Variants in PI4KA observed in about 807,000 individuals in gnomAD.
PI4KA encodes phosphatidylinositol 4-kinase alpha.
In PI4KA, 122 loss-of-function variants were observed where a neutral mutation model predicts 271.4. The ratio of observed to expected loss-of-function variants is 0.45; its 90% CI spans 0.39 to 0.52. PI4KA has a LOEUF of 0.52. PI4KA is among the 20% of genes least tolerant of loss of function. The probability of loss-of-function intolerance (pLI) is 0.00; values close to 1 mark genes in which losing one functional copy is unlikely to be tolerated. For missense variants in PI4KA, 1,969 were observed against 2,769.1 expected (o/e 0.71, Z 6.48); for synonymous variants, 1,041 against 1,078.8 (o/e 0.96, Z 0.69).
intron 28 of PI4KA, among the ~76,000 whole-genome samples, chr22:20,748,683 C>T (rs1930367918): frequency 6.6e-6 from 1 of 152,222 alleles, no homozygotes; most frequent in Admixed American, 6.5e-5. Context: ...TATATACATG[C>T]AGAATTGTCT....
At chr22:20,734,330 C>T in intron 33 of PI4KA, 65 bp downstream of exon 33, 1 of 1,411,424 alleles carries the variant, frequency 7.1e-7, no homozygotes, top group Non-Finnish European at 9.7e-7. Context: ...TACCCCCACC[C>T]CAGGAACAGT....
At chr22:20,772,678 C>A (rs911657203) in intron 19 of PI4KA, among the ~76,000 whole-genome samples, 2 of 152,214 alleles carry the variant, frequency 1.3e-5, no homozygotes, top group African/African-American at 4.8e-5. Flanking sequence ...ACTCTGGGTG[C>A]CGACACTCCC....
At chr22:20,793,300 A>G in intron 18 of PI4KA, 57 bp from the exon 19 acceptor site, 1 of 981,134 alleles carries the variant, frequency 1.0e-6, no homozygotes, top group Non-Finnish European at 1.6e-6. Flanking sequence ...TATTAAAAAA[A>G]AAAAACACAA....
At chr22:20,751,878 G>A (rs1448451624) in intron 25 of PI4KA, 123 bp from the exon 26 acceptor site, 9 of 792,220 alleles carry the variant, frequency 1.1e-5, no homozygotes, top group Admixed American at 4.4e-5. Flanking sequence ...GGAGGAGGTC[G>A]GGAGGCCCTT....
At chr22:20,766,396 G>C (rs1932527332) in intron 19 of PI4KA, among the ~76,000 whole-genome samples, 1 of 152,190 alleles carries the variant, frequency 6.6e-6, no homozygotes, top group African/African-American at 2.4e-5. Context: ...AAGCACGGTG[G>C]CTCACGCCTG....
At position 20,813,518 on chromosome 22, in the gene PI4KA, TA is replaced by T; in HGVS notation, c.857-13del. The T allele has an allele frequency of 6.2e-7, 1 of 1,613,056 alleles. No individual in the cohort carries two copies. The highest frequency in any genetic ancestry group is 8.5e-7 in the Non-Finnish European group (1 of 1,179,464). ...GGGCAAGCAGGAGGCTGGTGGGAGA[TA>T]AAGCTGGAAACTCAGCCGTGGTGAC... is the stretch of plus-strand genomic sequence containing the variant. On this transcript the variant is annotated splice_polypyrimidine_tract_variant and intron_variant, in intron 7 of 54. Transcript: ENST00000255882.
At chr22:20,836,600 A>G (rs1002004218) in intron 2 of PI4KA, among the ~76,000 whole-genome samples, 15 of 152,186 alleles carry the variant, frequency 9.9e-5, no homozygotes, top group African/African-American at 3.4e-4. Context: ...ATGGCAGCCC[A>G]CTGCTGGGAC....
At chr22:20,851,179 G>A (rs1256467889) in intron 1 of PI4KA, among the ~76,000 whole-genome samples, 1 of 121,672 alleles carries the variant, frequency 8.2e-6, no homozygotes, top group Non-Finnish European at 1.7e-5. Context: ...GGGCAACACA[G>A]TGAGACCCTA....
chr22:20,771,422 CAA>C (rs777990140), intron 19 of PI4KA, among the ~76,000 whole-genome samples: 3 of 104,450 alleles, frequency 2.9e-5, no homozygotes, highest in African/African-American at 7.2e-5. Context: ...GACTCTGTCT[CAA>C]AAAAAAAAAA....
At chr22:20,805,841 A>AG (rs1418963471) in intron 10 of PI4KA, among the ~76,000 whole-genome samples, 1 of 151,972 alleles carries the variant, frequency 6.6e-6, no homozygotes, top group African/African-American at 2.4e-5. Flanking sequence ...TCAAAAAAAA[A>AG]AAAAAAAAGA....
intron 28 of PI4KA, 59 bp from the exon 29 acceptor site, chr22:20,747,761 G>A: frequency 6.5e-7 from 1 of 1,542,942 alleles, no homozygotes; most frequent in Non-Finnish European, 8.9e-7. Flanking sequence ...TAGAGGCAGG[G>A]TCTCGCTCTG....
At position 20,790,187 on chromosome 22, in the gene PI4KA, C is replaced by T. The variant is rs569863786; in HGVS notation, c.2328+3006G>A. Among the ~76,000 whole-genome samples the T allele has an allele frequency of 1.2e-4, 19 of 152,188 alleles. No individual in the cohort carries two copies. The East Asian group carries it at 3.7e-3, about 29-fold the overall frequency. ...GGAAGGAGCCTCAGAGATTGTATGACCCAGCTTCCTAGCAACTCCCTCAAA... is the reference window on the plus strand; with the variant it reads ...GGAAGGAGCCTCAGAGATTGTATGATCCAGCTTCCTAGCAACTCCCTCAAA... On this transcript the variant is annotated intron_variant, in intron 19 of 54. Coordinates refer to ENST00000255882, the MANE Select transcript of PI4KA (RefSeq NM_058004.4).
chr22:20,722,340 C>G (rs982206852), intron 42 of PI4KA, among the ~76,000 whole-genome samples: 1 of 152,136 alleles, frequency 6.6e-6, no homozygotes, highest in Non-Finnish European at 1.5e-5. Flanking sequence ...GCGCACACCA[C>G]CACATCTGGC....
chr22:20,811,751 C>T lies in PI4KA; in HGVS notation c.1006-719G>A, dbSNP rs549310252. Among the ~76,000 whole-genome samples the T allele has an allele frequency of 7.2e-5, 11 of 152,014 alleles. No homozygotes were observed. In the South Asian group the frequency reaches 1.9e-3, roughly 26 times the overall value. ...AACCTAGGCCAGCCGTGGTGGCTCA[C>T]GCCTGTAATCCCAGCACTTTAGGAG... On this transcript the variant is annotated intron_variant, in intron 8 of 54. Coordinates refer to ENST00000255882, the MANE Select transcript of PI4KA (RefSeq NM_058004.4).
chr22:20,803,101 C>T (rs1026483931), intron 13 of PI4KA, 90 bp downstream of exon 13: 5 of 1,368,762 alleles, frequency 3.7e-6, no homozygotes, highest in Non-Finnish European at 4.1e-6. Flanking sequence ...AAGGAATGCA[C>T]CCAGGTACAG....
At chr22:20,776,252 AG>A (rs1235153642) in intron 19 of PI4KA, among the ~76,000 whole-genome samples, 1 of 152,124 alleles carries the variant, frequency 6.6e-6, no homozygotes, top group Non-Finnish European at 1.5e-5. Context: ...TGAGCCTGAG[AG>A]GAACAGGTGG....
chr22:20,735,141 G>A (rs1928558582), intron 32 of PI4KA, among the ~76,000 whole-genome samples: 1 of 151,448 alleles, frequency 6.6e-6, no homozygotes, highest in Admixed American at 6.6e-5. Flanking sequence ...CATTCCGTGG[G>A]GGGGCATGAG....
rs536841160 is a variant in PI4KA, at chr22:20,803,696, A to G, written c.1462-376T>C. 7.9e-5 allele frequency among the ~76,000 whole-genome samples: 12 copies of G among 151,986 alleles called. No individual in the cohort carries two copies. In the South Asian group the frequency reaches 1.7e-3, roughly 21 times the overall value. Reference sequence around the variant, plus strand: ...CACACCATCATCCCTAACTAATTCTAATTTTTTAAATTTTTTGTGCAGACG... The same window carrying G: ...CACACCATCATCCCTAACTAATTCTGATTTTTTAAATTTTTTGTGCAGACG... On this transcript the variant is annotated intron_variant, in intron 12 of 54. Transcript: ENST00000255882.
chr22:20,790,250 C>T (rs1934543515), intron 19 of PI4KA, among the ~76,000 whole-genome samples: 1 of 152,186 alleles, frequency 6.6e-6, no homozygotes, highest in Non-Finnish European at 1.5e-5. Context: ...AAAACCCAGG[C>T]TTCCTGCCCC....
Sources: gnomAD v4.1 joint callset for allele counts (sites outside exome capture counted in the v4.1 genomes callset) on GRCh38, gnomAD v4.1.1 for gene constraint, MANE v1.5 for transcripts, NCBI Gene and HGNC (gene_info 2026-07-23, HGNC 2026-07-21) for gene names.